PLCH1: variants seen among roughly 807,000 people sequenced by gnomAD.
PLCH1 encodes the protein 1-phosphatidylinositol 4,5-bisphosphate phosphodiesterase eta-1.
Under a neutral mutation model 126.7 loss-of-function variants are expected in PLCH1, and 60 were observed. The observed-to-expected ratio is 0.47, with a 90% confidence interval of 0.38 to 0.59. The LOEUF is 0.59. Ranked by LOEUF, PLCH1 falls within the 20% of genes least tolerant of loss-of-function variation. PLCH1 has a pLI of 0.00. For missense variants in PLCH1, 1,723 were observed against 2,040.0 expected (o/e 0.84, Z 2.99); for synonymous variants, 719 against 734.9 (o/e 0.98, Z 0.35).
chr3:155,479,040 A>T (rs1338388981), downstream of PLCH1, among the ~76,000 whole-genome samples: 3 of 152,166 alleles, frequency 2.0e-5, no homozygotes, highest in African/African-American at 7.2e-5. Context: ...CACTTCCCAC[A>T]ATTTTGGGGA....
At chr3:155,475,798 T>C (rs1297182839), downstream of PLCH1, among the ~76,000 whole-genome samples, 7 of 151,780 alleles carry the variant, frequency 4.6e-5, no homozygotes, top group Non-Finnish European at 7.4e-5. Context: ...TGATAACAAG[T>C]AATGAGATCA....
intron 17 of PLCH1, among the ~76,000 whole-genome samples, chr3:155,493,922 A>C (rs980570618): frequency 3.9e-5 from 6 of 152,214 alleles, no homozygotes; most frequent in Admixed American, 1.3e-4. Flanking sequence ...ACGACCTCTC[A>C]AGATAACATT....
chr3:155,551,684 C>CAAAA (rs35872401), intron 9 of PLCH1, among the ~76,000 whole-genome samples: 8 of 87,000 alleles, frequency 9.2e-5, no homozygotes, highest in Admixed American at 5.5e-4. Flanking sequence ...AGCTCTCTAC[C>CAAAA]AAAAAAAAAA....
rs531088504 is a variant in PLCH1, at chr3:155,464,136, T to C, written c.2938+21220A>G. 2.0e-5 allele frequency among the ~76,000 whole-genome samples: 3 copies of C among 152,084 alleles called. No homozygotes were observed. The East Asian group carries it at 5.8e-4, about 29-fold the overall frequency. On this transcript the variant is annotated intron_variant, in intron 21 of 21. Transcript: ENST00000494598. The stretch of plus-strand genomic sequence containing the variant: ...ATGAGATTGTGTAATTCTTGATGGG[T>C]TGGAGACAATAAAGGAAGAGGAGAT...
intron 1 of PLCH1, among the ~76,000 whole-genome samples, chr3:155,709,970 TTTGG>T (rs1169771929): frequency 5.9e-5 from 9 of 152,036 alleles, no homozygotes; most frequent in Non-Finnish European, 1.3e-4. Context: ...TTAAGAAGTG[TTTGG>T]TTGGTTGGTT....
At chr3:155,621,095 C>G (rs1736430375) in intron 2 of PLCH1, among the ~76,000 whole-genome samples, 1 of 152,190 alleles carries the variant, frequency 6.6e-6, no homozygotes. Context: ...GTTCTGCAGC[C>G]TCCACTGGTG....
At chr3:155,611,326 G>A (rs1735065225) in intron 2 of PLCH1, among the ~76,000 whole-genome samples, 1 of 152,162 alleles carries the variant, frequency 6.6e-6, no homozygotes, top group East Asian at 1.9e-4. Flanking sequence ...GGAGGCGGAG[G>A]TTGCAGTGAG....
At chr3:155,453,437 C>A (rs1321113516) in intron 21 of PLCH1, among the ~76,000 whole-genome samples, 2 of 152,066 alleles carry the variant, frequency 1.3e-5, no homozygotes, top group East Asian at 1.9e-4. Flanking sequence ...GAAGGATATG[C>A]AGGAATTATT....
intron 10 of PLCH1, among the ~76,000 whole-genome samples, chr3:155,539,703 A>T (rs1160794537): frequency 6.6e-6 from 1 of 152,206 alleles, no homozygotes; most frequent in African/African-American, 2.4e-5. Context: ...GATATCTACA[A>T]GGAAAACTAC....
chr3:155,737,875 A>G (rs1749314866), intron 1 of PLCH1, among the ~76,000 whole-genome samples: 1 of 152,268 alleles, frequency 6.6e-6, no homozygotes, highest in South Asian at 2.1e-4. Flanking sequence ...AGCCTCTTCA[A>G]CTTAATTGAA....
rs181889640 is a variant in PLCH1 at position 155,714,196 on chromosome 3, G to A, written c.-40-9932C>T. Among the ~76,000 whole-genome samples, 387 of 148,488 alleles carry A rather than the reference G, an allele frequency of 2.6e-3. 2 individuals are homozygous for A. The highest frequency in any genetic ancestry group is 4.0e-3 in the Non-Finnish European group (269 of 66,768). ...AACTTGAGAATTGAAACTAAATCCA[G>A]TTAAAAACTAAGATTTCAAACAAAG... On this transcript the variant is annotated intron_variant, in intron 1 of 22. Coordinates refer to ENST00000460012, the MANE Select transcript of PLCH1 (RefSeq NM_014996.4).
intron 2 of PLCH1, among the ~76,000 whole-genome samples, chr3:155,685,711 T>C (rs1744882143): frequency 6.6e-6 from 1 of 152,218 alleles, no homozygotes; most frequent in Non-Finnish European, 1.5e-5. Context: ...CAAAAGTTCC[T>C]AGCCCAGCAT....
At chr3:155,569,005 T>C (rs1328353632) in intron 6 of PLCH1, among the ~76,000 whole-genome samples, 4 of 152,134 alleles carry the variant, frequency 2.6e-5, no homozygotes, top group Admixed American at 6.6e-5. Flanking sequence ...AGTGGAGTGA[T>C]AAGGATTAAA....
downstream of PLCH1, among the ~76,000 whole-genome samples, chr3:155,476,832 A>T (rs946027145): frequency 6.6e-6 from 1 of 152,174 alleles, no homozygotes; most frequent in South Asian, 2.1e-4. Flanking sequence ...TACCCAAAGC[A>T]ATCTACAGAT....
At chr3:155,527,285 C>A (rs867823369) in intron 10 of PLCH1, among the ~76,000 whole-genome samples, 3 of 152,334 alleles carry the variant, frequency 2.0e-5, no homozygotes, top group Middle Eastern at 3.4e-3. Flanking sequence ...TAAATATCAT[C>A]CCAGGCTGAT....
At chr3:155,457,935 T>C (rs75259597) in intron 21 of PLCH1, among the ~76,000 whole-genome samples, 5,015 of 152,222 alleles carry the variant, frequency 0.033, 280 homozygotes, top group African/African-American at 0.12. Flanking sequence ...TCTGTGGCAC[T>C]GCCACCACCA....
chr3:155,595,694 C>T (rs1732891833), intron 3 of PLCH1, among the ~76,000 whole-genome samples: 1 of 152,060 alleles, frequency 6.6e-6, no homozygotes, highest in Non-Finnish European at 1.5e-5. Context: ...TCTACTAAGT[C>T]CTCTCTCATA....
At chr3:155,698,237 T>C (rs946762746) in intron 2 of PLCH1, among the ~76,000 whole-genome samples, 2 of 152,108 alleles carry the variant, frequency 1.3e-5, no homozygotes, top group African/African-American at 4.8e-5. Flanking sequence ...GGAATGCTCA[T>C]CATAAAGACC....
chr3:155,673,762 T>C (rs547623213), intron 2 of PLCH1, among the ~76,000 whole-genome samples: 44 of 152,332 alleles, frequency 2.9e-4, no homozygotes, highest in African/African-American at 9.9e-4. Context: ...CGTTGACATC[T>C]ACCCTTCCAT....
Sources: allele counts gnomAD v4.1 joint callset (sites outside exome capture counted in the v4.1 genomes callset), GRCh38; gene constraint gnomAD v4.1.1; transcripts MANE v1.5; gene names NCBI Gene and HGNC (gene_info 2026-07-23, HGNC 2026-07-21).